Variants in CCNY observed in about 807,000 individuals in gnomAD.
The protein encoded by CCNY is cyclin-Y.
Under a neutral mutation model 42.8 loss-of-function variants are expected in CCNY, and 19 were observed. The observed-to-expected ratio is 0.44, with a 90% CI of 0.31 to 0.65. CCNY has a LOEUF of 0.65. CCNY is among the 30% of genes least tolerant of loss of function. CCNY has a pLI of 0.07. For missense variants in CCNY, 370 were observed against 437.3 expected, an observed-to-expected ratio of 0.85 and a Z score of 1.37; for synonymous variants, 165 against 162.7, an observed-to-expected ratio of 1.01 and a Z score of -0.11.
chr10:35,345,285 T>C (rs1268718927), intron 1 of CCNY, among the ~76,000 whole-genome samples: 5 of 152,150 alleles, frequency 3.3e-5, no homozygotes, highest in Admixed American at 3.3e-4. Context: ...TGTGAGATGG[T>C]ATCTCATTAT....
At position 35,422,114 on chromosome 10, in the gene CCNY, A is replaced by G. The variant is rs553872870; in HGVS notation, c.155-61290A>G. 7.9e-5 allele frequency among the ~76,000 whole-genome samples: 12 copies of G among 152,292 alleles called. No individual in the cohort carries two copies. In the East Asian group the frequency reaches 1.5e-3, roughly 20 times the overall value. On this transcript the variant is annotated intron_variant, in intron 1 of 9. Transcript: ENST00000374704. Reference sequence around the variant, plus strand: ...ATTTTTTTGACTTATTTTGTATTCTATAAATATTTTTGACTCATTTTTCCA... The same window carrying G: ...ATTTTTTTGACTTATTTTGTATTCTGTAAATATTTTTGACTCATTTTTCCA...
At chr10:35,427,390 C>T (rs1252064224) in intron 1 of CCNY, among the ~76,000 whole-genome samples, 2 of 152,034 alleles carry the variant, frequency 1.3e-5, no homozygotes, top group South Asian at 2.1e-4. Flanking sequence ...CCAGATGTCA[C>T]GGTTTTTTAA....
chr10:35,393,889 C>T (rs75994347), intron 1 of CCNY, among the ~76,000 whole-genome samples: 6 of 152,090 alleles, frequency 3.9e-5, no homozygotes, highest in East Asian at 1.9e-4. Context: ...GGCAACATAG[C>T]GAGACCCTGT....
chr10:35,445,175 G>A (rs193289477), intron 1 of CCNY, among the ~76,000 whole-genome samples: 2 of 152,286 alleles, frequency 1.3e-5, no homozygotes, highest in East Asian at 3.9e-4. Context: ...GTAGATTTTG[G>A]TGGGTATTAG....
chr10:35,257,631 G>A (rs914827521), intron 3 of CCNY, among the ~76,000 whole-genome samples: 3 of 152,130 alleles, frequency 2.0e-5, no homozygotes, highest in Admixed American at 6.6e-5. Context: ...AGAGACCCTT[G>A]TATGTGATGA....
At chr10:35,317,863 A>G (rs961035730) in intron 3 of CCNY, among the ~76,000 whole-genome samples, 1 of 109,304 alleles carries the variant, frequency 9.1e-6, no homozygotes, top group Non-Finnish European at 2.0e-5. Flanking sequence ...CCATCTAGAG[A>G]GACTTTCCCT....
intron 1 of CCNY, among the ~76,000 whole-genome samples, chr10:35,348,379 A>T (rs1009061154): frequency 4.6e-5 from 7 of 152,214 alleles, no homozygotes; most frequent in African/African-American, 1.7e-4. Flanking sequence ...GGAGGGGTCC[A>T]TCTGAGGGCT....
intron 1 of CCNY, among the ~76,000 whole-genome samples, chr10:35,455,013 G>A (rs1325654346): frequency 1.3e-5 from 2 of 152,174 alleles, no homozygotes; most frequent in Non-Finnish European, 2.9e-5. Flanking sequence ...CCATTGAAGG[G>A]CTTCATCTTA....
intron 1 of CCNY, among the ~76,000 whole-genome samples, chr10:35,384,878 G>A (rs921813266): frequency 6.6e-6 from 1 of 152,140 alleles, no homozygotes; most frequent in African/African-American, 2.4e-5. Context: ...TTGATGCCTT[G>A]GTGGGATTAT....
intron 3 of CCNY, among the ~76,000 whole-genome samples, chr10:35,329,493 T>TA (rs1250889580): frequency 1.3e-5 from 2 of 152,220 alleles, no homozygotes; most frequent in African/African-American, 4.8e-5. Flanking sequence ...TTAAATAAGT[T>TA]AGAGTACACC....
intron 3 of CCNY, among the ~76,000 whole-genome samples, chr10:35,325,926 A>G (rs1490944318): frequency 6.6e-6 from 1 of 151,978 alleles, no homozygotes; most frequent in Non-Finnish European, 1.5e-5. Context: ...AAAAAAAATT[A>G]GCTGGGCATG....
At chr10:35,483,628 A>AT (rs1050973317) in intron 2 of CCNY, 150 bp downstream of exon 2, 1 of 514,816 alleles carries the variant, frequency 1.9e-6, no homozygotes, top group Non-Finnish European at 3.4e-6. Flanking sequence ...TTCTCTTGGG[A>AT]TTTTTTTCTT....
At chr10:35,299,459 T>C (rs1180818199) in intron 3 of CCNY, among the ~76,000 whole-genome samples, 1 of 152,254 alleles carries the variant, frequency 6.6e-6, no homozygotes, top group Non-Finnish European at 1.5e-5. Flanking sequence ...ACTGGGTGCA[T>C]TCACATTTAG....
intron 3 of CCNY, among the ~76,000 whole-genome samples, chr10:35,511,368 C>G (rs1446350678): frequency 1.3e-5 from 2 of 152,078 alleles, no homozygotes; most frequent in Non-Finnish European, 2.9e-5. Flanking sequence ...GGAGGGTGAA[C>G]ACGGGCATAG....
At chr10:35,307,706 G>GTA (rs762237006) in intron 3 of CCNY, among the ~76,000 whole-genome samples, 75 of 132,890 alleles carry the variant, frequency 5.6e-4, no homozygotes, top group African/African-American at 1.0e-3. Context: ...GTGTATATAT[G>GTA]TATATATATA....
At chr10:35,378,566 A>G (rs953395550) in intron 1 of CCNY, among the ~76,000 whole-genome samples, 1 of 151,920 alleles carries the variant, frequency 6.6e-6, no homozygotes, top group Non-Finnish European at 1.5e-5. Context: ...GAGAAAAGTT[A>G]GGAGGGTTTT....
intron 3 of CCNY, among the ~76,000 whole-genome samples, chr10:35,313,388 G>T (rs527941321): frequency 6.6e-6 from 1 of 152,160 alleles, no homozygotes; most frequent in Non-Finnish European, 1.5e-5. Flanking sequence ...GAGCTGTGTC[G>T]CTTGTTAGCT....
chr10:35,519,413 G>A (rs1840498453), intron 4 of CCNY, among the ~76,000 whole-genome samples: 1 of 152,112 alleles, frequency 6.6e-6, no homozygotes, highest in Non-Finnish European at 1.5e-5. Flanking sequence ...TCTGGCTGAG[G>A]CATTCTCTGG....
At chr10:35,277,867 T>A (rs1443596349) in intron 3 of CCNY, among the ~76,000 whole-genome samples, 2 of 152,190 alleles carry the variant, frequency 1.3e-5, no homozygotes, top group Non-Finnish European at 2.9e-5. Flanking sequence ...AATTGGCCCT[T>A]TCCCATTCTC....
Sources: gnomAD v4.1 joint callset for allele counts (sites outside exome capture counted in the v4.1 genomes callset) on GRCh38, gnomAD v4.1.1 for gene constraint, MANE v1.5 for transcripts, NCBI Gene and HGNC (gene_info 2026-07-23, HGNC 2026-07-21) for gene names.